The following CMSS1 variants were observed in gnomAD, a reference collection of about 807,000 sequenced individuals.
CMSS1 encodes the protein protein CMSS1.
In CMSS1, 33 loss-of-function variants were observed where a neutral mutation model predicts 43.5. The observed-to-expected ratio is 0.76, with a 90% CI of 0.57 to 1.01. The LOEUF is 1.01. Ranked by LOEUF, CMSS1 falls within the 50% of genes least tolerant of loss-of-function variation. CMSS1 has a pLI of 0.00. For synonymous variants in CMSS1, 115 were observed against 117.2 expected (o/e 0.98, Z 0.12); for missense variants, 313 against 326.4 (o/e 0.96, Z 0.32).
At chr3:100,050,283 T>C (rs1291181448) in intron 1 of CMSS1, among the ~76,000 whole-genome samples, 2 of 152,216 alleles carry the variant, frequency 1.3e-5, no homozygotes, top group East Asian at 3.9e-4. Flanking sequence ...GATTTTTAAA[T>C]GTGCCCTCTA....
At position 100,102,465 on chromosome 3, in the gene CMSS1, G is replaced by A. The variant is rs76685663; in HGVS notation, c.65-44508G>A. Among the ~76,000 whole-genome samples the A allele has an allele frequency of 4.6e-3, 700 of 152,222 alleles. 7 individuals carry two copies. Among genetic ancestry groups the A allele is most frequent in the African/African-American group, 0.016 (682 of 41,540 alleles). Reference sequence around the variant, plus strand: ...CAGAAGAAATTGGATCCTCATCAGCGTGATTTCTGCTTCTCCACAGGTGTG... The same window carrying A: ...CAGAAGAAATTGGATCCTCATCAGCATGATTTCTGCTTCTCCACAGGTGTG... On this transcript the variant is annotated intron_variant, in intron 1 of 9. Coordinates refer to ENST00000421999, the MANE Select transcript of CMSS1 (RefSeq NM_032359.4).
At chr3:99,836,557 C>G (rs186872444) in intron 1 of CMSS1, among the ~76,000 whole-genome samples, 1 of 152,100 alleles carries the variant, frequency 6.6e-6, no homozygotes, top group Admixed American at 6.6e-5. Context: ...ACTCAACTGC[C>G]GCTCTTTTCT....
intron 1 of CMSS1, among the ~76,000 whole-genome samples, chr3:100,052,323 G>T (rs942866328): frequency 6.6e-6 from 1 of 152,192 alleles, no homozygotes; most frequent in African/African-American, 2.4e-5. Context: ...CCTTCTTATT[G>T]AATGGCACAT....
intron 1 of CMSS1, among the ~76,000 whole-genome samples, chr3:100,106,684 C>T (rs1223978470): frequency 1.3e-5 from 2 of 152,166 alleles, no homozygotes; most frequent in Non-Finnish European, 2.9e-5. Context: ...GCATGTTGCT[C>T]ACCTTCCTGC....
chr3:99,997,682 T>C (rs1386145562), intron 1 of CMSS1, among the ~76,000 whole-genome samples: 2 of 152,204 alleles, frequency 1.3e-5, no homozygotes, highest in South Asian at 2.1e-4. Context: ...TCACTTCCTC[T>C]GAAGTGAATA....
At chr3:100,062,086 T>C (rs1253397706) in intron 1 of CMSS1, among the ~76,000 whole-genome samples, 3 of 131,590 alleles carry the variant, frequency 2.3e-5, no homozygotes, top group Non-Finnish European at 4.7e-5. Context: ...GGTTATCCTG[T>C]CTTCTTCTTT....
intron 1 of CMSS1, among the ~76,000 whole-genome samples, chr3:99,836,944 C>T (rs761855590): frequency 3.9e-5 from 6 of 152,158 alleles, no homozygotes; most frequent in Non-Finnish European, 8.8e-5. Flanking sequence ...CTCCCTAAAG[C>T]GTATTTCCTT....
At chr3:100,004,000 G>T (rs972631827) in intron 1 of CMSS1, among the ~76,000 whole-genome samples, 2 of 152,118 alleles carry the variant, frequency 1.3e-5, no homozygotes, top group Non-Finnish European at 2.9e-5. Flanking sequence ...TGATTTTTCT[G>T]TACATGTCTG....
At chr3:99,908,772 A>G (rs991140900) in intron 1 of CMSS1, among the ~76,000 whole-genome samples, 3 of 152,168 alleles carry the variant, frequency 2.0e-5, no homozygotes, top group African/African-American at 4.8e-5. Flanking sequence ...TGTAATTGTT[A>G]TTATCACTAA....
chr3:100,117,854 C>CATATATATATATATATACATATATAT (rs2066587432), intron 1 of CMSS1, among the ~76,000 whole-genome samples: 1 of 90,748 alleles, frequency 1.1e-5, no homozygotes, highest in Admixed American at 1.2e-4. Context: ...TATATATATA[C>CATATATATATATATATACATATATAT]ATATATATAT....
At chr3:100,178,179 T>G in intron 9 of CMSS1, 126 bp from the exon 10 acceptor site, 1 of 576,544 alleles carries the variant, frequency 1.7e-6, no homozygotes, top group Non-Finnish European at 3.1e-6. Context: ...TGTTAGGACT[T>G]TTGCACTCTC....
chr3:99,829,143 G>T (rs1030863884), intron 1 of CMSS1, among the ~76,000 whole-genome samples: 3 of 152,180 alleles, frequency 2.0e-5, no homozygotes, highest in African/African-American at 4.8e-5. Flanking sequence ...GGCTAAAGCA[G>T]TCCTTAACCA....
intron 1 of CMSS1, among the ~76,000 whole-genome samples, chr3:99,912,745 A>G (rs956797864): frequency 1.3e-5 from 2 of 152,180 alleles, no homozygotes; most frequent in Non-Finnish European, 2.9e-5. Flanking sequence ...TTGTTTATCC[A>G]TGCCTCAGTT....
intron 1 of CMSS1, among the ~76,000 whole-genome samples, chr3:99,828,405 A>G: frequency 1.6e-5 from 1 of 62,166 alleles, no homozygotes; most frequent in Non-Finnish European, 2.9e-5. Context: ...CTCTGTACAT[A>G]CGTGTATTTT....
intron 1 of CMSS1, among the ~76,000 whole-genome samples, chr3:99,976,186 T>C (rs1708965843): frequency 1.3e-5 from 2 of 152,168 alleles, no homozygotes; most frequent in African/African-American, 4.8e-5. Context: ...GTGTCTCTTT[T>C]AATAGATATA....
rs187509163 is a variant in CMSS1 at position 99,971,233 on chromosome 3, G to A, written c.64+153190G>A. Among the ~76,000 whole-genome samples, 1,082 of 152,118 alleles carry A rather than the reference G, an allele frequency of 7.1e-3. 18 individuals are homozygous for A. The highest frequency in any genetic ancestry group is 0.025 in the African/African-American group (1,040 of 41,480). On this transcript the variant is annotated intron_variant, in intron 1 of 9. Coordinates refer to ENST00000421999, the MANE Select transcript of CMSS1 (RefSeq NM_032359.4). ...CAGATGCCTGTAGTCCCAGCTACTC[G>A]GGAGGCTGAGGCAGGAGAATGGCGT...
intron 1 of CMSS1, among the ~76,000 whole-genome samples, chr3:100,133,479 G>A (rs560592964): frequency 1.3e-4 from 19 of 151,616 alleles, no homozygotes; most frequent in Non-Finnish European, 2.7e-4. Context: ...TTACTTTTCT[G>A]CATTTTCTAA....
chr3:99,819,746 GTTTT>G (rs972272135), intron 1 of CMSS1, among the ~76,000 whole-genome samples: 2 of 143,492 alleles, frequency 1.4e-5, no homozygotes, highest in Admixed American at 1.4e-4. Context: ...CCAACCAACA[GTTTT>G]TTTTTTCTTT....
rs554962478 is a variant in CMSS1 at position 100,114,800 on chromosome 3, T to G, written c.65-32173T>G. ...TTTGTACCCTGCAGCCATGAGCTGATGTAAGCCTTGTTTGTGATTTAAGTA... is the reference window on the plus strand; with the variant it reads ...TTTGTACCCTGCAGCCATGAGCTGAGGTAAGCCTTGTTTGTGATTTAAGTA... On this transcript the variant is annotated intron_variant, in intron 1 of 9. Coordinates refer to ENST00000421999, the MANE Select transcript of CMSS1 (RefSeq NM_032359.4). 1.6e-5 allele frequency: 9 copies of G among 570,178 alleles called. No individual in the cohort carries two copies. In the South Asian group the frequency reaches 1.8e-4, roughly 11 times the overall value. 35.3% of individuals were successfully genotyped at this position (570,178 alleles called of 1,614,324 possible). A position where few individuals can be genotyped will look rare whatever the true frequency, so the allele number is the denominator to read the frequency against.
Sources: gnomAD v4.1 joint callset for allele counts (sites outside exome capture counted in the v4.1 genomes callset) on GRCh38, gnomAD v4.1.1 for gene constraint, MANE v1.5 for transcripts, NCBI Gene and HGNC (gene_info 2026-07-23, HGNC 2026-07-21) for gene names.